Variants in GPBP1L1 observed in about 807,000 individuals in gnomAD.
GPBP1L1 encodes the protein vasculin-like protein 1.
In GPBP1L1, 23 loss-of-function variants were observed where a neutral mutation model predicts 52.5. The observed-to-expected ratio is 0.44, with a 90% CI of 0.32 to 0.62. GPBP1L1 has a LOEUF of 0.62. Among genes scored for constraint, GPBP1L1 ranks in the 20% least tolerant of loss-of-function variants. The pLI is 0.06. For missense variants in GPBP1L1, 596 were observed against 579.3 expected (o/e 1.03, Z -0.30); for synonymous variants, 243 against 203.1 (o/e 1.20, Z -1.67).
chr1:45,645,887 C>G (rs1162923494), intron 6 of GPBP1L1: 1 of 504,626 alleles, frequency 2.0e-6, no homozygotes, highest in Non-Finnish European at 3.8e-6. Flanking sequence ...ATGATACCAG[C>G]TAAGGCTGTC....
chr1:45,680,660 T>C (rs1264858858), intron 2 of GPBP1L1, among the ~76,000 whole-genome samples: 1 of 152,194 alleles, frequency 6.6e-6, no homozygotes, highest in Non-Finnish European at 1.5e-5. Context: ...ATTCTGGACC[T>C]AGATGGCTCT....
intron 2 of GPBP1L1, among the ~76,000 whole-genome samples, chr1:45,684,756 T>C (rs1645258235): frequency 6.6e-6 from 1 of 152,184 alleles, no homozygotes; most frequent in Non-Finnish European, 1.5e-5. Flanking sequence ...TTGTAATTTC[T>C]ATTAAAAACT....
chr1:45,638,504 A>AT (rs1269153787), intron 8 of GPBP1L1, among the ~76,000 whole-genome samples: 1 of 152,080 alleles, frequency 6.6e-6, no homozygotes, highest in Non-Finnish European at 1.5e-5. Context: ...AGAGTTTACC[A>AT]TTTTTTTCTG....
intron 2 of GPBP1L1, among the ~76,000 whole-genome samples, chr1:45,664,539 T>A (rs994580593): frequency 2.0e-5 from 3 of 152,136 alleles, no homozygotes; most frequent in African/African-American, 7.2e-5. Flanking sequence ...CACTCCAGCT[T>A]GGGTGACAGA....
intron 6 of GPBP1L1, among the ~76,000 whole-genome samples, chr1:45,643,638 G>T (rs1644702356): frequency 6.8e-6 from 1 of 146,696 alleles, no homozygotes; most frequent in Non-Finnish European, 1.5e-5. Context: ...TTACGATCTG[G>T]TAACAGGGTA....
intron 4 of GPBP1L1, chr1:45,656,055 A>G (rs1644881135): frequency 6.6e-6 from 1 of 152,126 alleles, no homozygotes; most frequent in African/African-American, 2.4e-5. Context: ...TACAGGTATA[A>G]GCCACAGCTC....
rs1316228022 is a variant in GPBP1L1 at position 45,629,465 on chromosome 1, C to CG, written c.1272+110_1272+111insC. 1.2e-3 allele frequency: 178 copies of CG among 149,078 alleles called. 4 individuals are homozygous for CG. Among genetic ancestry groups the CG allele is most frequent in the Admixed American group, 0.01 (148 of 14,340 alleles). The allele number at this position is 149,078 out of a possible 1,614,324, so 9.2% of individuals were successfully genotyped here. On this transcript the variant is annotated intron_variant, in intron 12 of 12. Transcript: ENST00000355105. ...TTCTACTAAGGTAATCCCCCCCCCC[C>CG]CCACCCGATCTTTCTCTCACATTAA...
At chr1:45,635,333 T>G (rs1186130116) in intron 8 of GPBP1L1, 2 of 152,138 alleles carry the variant, frequency 1.3e-5, no homozygotes, top group African/African-American at 4.8e-5. Flanking sequence ...GAATGAAGAT[T>G]AATTTTTTTC....
intron 2 of GPBP1L1, among the ~76,000 whole-genome samples, chr1:45,672,539 A>G (rs200372219): frequency 2.6e-5 from 2 of 78,316 alleles, no homozygotes; most frequent in Non-Finnish European, 5.9e-5. Context: ...TTTTATACAC[A>G]TGTTAACTTT....
Position 45,651,382 on chromosome 1 carries a change from G to A in GPBP1L1, c.477+3161C>T, listed in dbSNP as rs150722059. The A allele has an allele frequency of 8.6e-5, 33 of 384,140 alleles. 1 individual carries two copies. The East Asian group carries it at 1.9e-3, about 22-fold the overall frequency. The allele number at this position is 384,140 out of a possible 1,614,324, so 23.8% of individuals were successfully genotyped here. A position where few individuals can be genotyped will look rare whatever the true frequency, so the allele number is the denominator to read the frequency against. ...CAATCACCACTAGCTGAGTCTTCGTGTTCTCCACCAAGGTGGTGAAGTGCT... is the reference window on the plus strand; with the variant it reads ...CAATCACCACTAGCTGAGTCTTCGTATTCTCCACCAAGGTGGTGAAGTGCT... On this transcript the variant is annotated intron_variant, in intron 6 of 12. Transcript: ENST00000355105.
At chr1:45,634,003 A>G in intron 9 of GPBP1L1, 93 bp downstream of exon 9, 1 of 1,295,308 alleles carries the variant, frequency 7.7e-7, no homozygotes, top group Non-Finnish European at 1.1e-6. Context: ...TAGCTACAAA[A>G]CAAGTGTCAC....
At chr1:45,654,163 T>A (rs1456081804) in intron 6 of GPBP1L1, 1 of 168,938 alleles carries the variant, frequency 5.9e-6, no homozygotes, top group African/African-American at 2.4e-5. Context: ...TACATGTTCA[T>A]GTCACAGTAA....
In GPBP1L1 at chr1:45,637,364, A is replaced by G. The variant is rs116254294; in HGVS notation, c.744+2846T>C. Among the ~76,000 whole-genome samples, 460 of 152,076 alleles carry G rather than the reference A, an allele frequency of 3.0e-3. 4 individuals carry two copies. Among genetic ancestry groups the G allele is most frequent in the East Asian group, 0.022 (116 of 5,170 alleles). On this transcript the variant is annotated intron_variant, in intron 8 of 12. Coordinates refer to ENST00000355105, the MANE Select transcript of GPBP1L1 (RefSeq NM_021639.5). The stretch of plus-strand genomic sequence containing the variant: ...CAGAACCACAATCACATTTCCTGAA[A>G]CCTGACCTTCCATATTTACCCCAAT...
At chr1:45,642,366 T>C (rs1163100133) in intron 7 of GPBP1L1, 61 bp downstream of exon 7, 1 of 1,052,412 alleles carries the variant, frequency 9.5e-7, no homozygotes, top group Non-Finnish European at 1.5e-6. Flanking sequence ...GAATCTTTGC[T>C]CCCCTCCCTG....
At chr1:45,669,505 G>A (rs185404326) in intron 2 of GPBP1L1, among the ~76,000 whole-genome samples, 2 of 152,272 alleles carry the variant, frequency 1.3e-5, no homozygotes, top group East Asian at 3.9e-4. Flanking sequence ...TCTGACTTTT[G>A]ACCAGCCTTG....
chr1:45,652,569 GCA>G (rs948378945), intron 6 of GPBP1L1, among the ~76,000 whole-genome samples: 7 of 152,196 alleles, frequency 4.6e-5, no homozygotes, highest in Middle Eastern at 3.4e-3. Flanking sequence ...TCTTCTATAT[GCA>G]CAGTTGGCTA....
At chr1:45,653,988 C>T (rs758889747) in intron 6 of GPBP1L1, among the ~76,000 whole-genome samples, 10 of 151,892 alleles carry the variant, frequency 6.6e-5, no homozygotes, top group Admixed American at 3.9e-4. Context: ...CATGAGCCAC[C>T]GAGCCCAGCC....
intron 2 of GPBP1L1, among the ~76,000 whole-genome samples, chr1:45,676,431 T>C (rs1645139573): frequency 6.6e-6 from 1 of 151,596 alleles, no homozygotes; most frequent in African/African-American, 2.4e-5. Flanking sequence ...CAAGACCCCA[T>C]CTCTACAAAA....
intron 6 of GPBP1L1, among the ~76,000 whole-genome samples, chr1:45,644,128 A>G (rs1163086865): frequency 6.6e-6 from 1 of 152,198 alleles, no homozygotes; most frequent in Non-Finnish European, 1.5e-5. Flanking sequence ...ACAATAGGAG[A>G]ACAAGCACAA....
Sources: gnomAD v4.1 joint callset for allele counts (sites outside exome capture counted in the v4.1 genomes callset) on GRCh38, gnomAD v4.1.1 for gene constraint, MANE v1.5 for transcripts, NCBI Gene and HGNC (gene_info 2026-07-23, HGNC 2026-07-21) for gene names.